Variants in GNAT3 observed in about 807,000 individuals in gnomAD.
GNAT3 encodes the protein G protein subunit alpha transducin 3.
A neutral mutation model predicts 37.7 loss-of-function variants in GNAT3; 31 were observed. The ratio of observed to expected loss-of-function variants is 0.82; its 90% CI spans 0.62 to 1.11. The LOEUF is 1.11. Ranked by LOEUF, GNAT3 falls within the 50% of genes most tolerant of loss-of-function variation. The pLI is 0.00. For synonymous variants in GNAT3, 138 were observed against 139.8 expected (o/e 0.99, Z 0.09); for missense variants, 437 against 412.5 (o/e 1.06, Z -0.51).
chr7:80,497,675 C>T lies in GNAT3; in HGVS notation c.119-3028G>A, dbSNP rs764027535. On this transcript the variant is annotated intron_variant, in intron 1 of 7. Transcript: ENST00000398291. ...GTATATACATATACGTATATACATA[C>T]ATATATACACACACACTGTCTTAAA... is the stretch of plus-strand genomic sequence containing the variant. Among the ~76,000 whole-genome samples, 54 of 75,034 alleles carry T rather than the reference C, an allele frequency of 7.2e-4. 4 individuals carry two copies. The highest frequency in any genetic ancestry group is 1.3e-3 in the African/African-American group (10 of 7,750). 49.2% of individuals were successfully genotyped at this position (75,034 alleles called of 152,430 possible). A position where few individuals can be genotyped will look rare whatever the true frequency, so the allele number is the denominator to read the frequency against.
intron 5 of GNAT3, among the ~76,000 whole-genome samples, chr7:80,463,729 C>T (rs932163202): frequency 2.0e-5 from 3 of 151,800 alleles, no homozygotes; most frequent in Admixed American, 6.6e-5. Flanking sequence ...CCATGCCCAA[C>T]ACATAACAGG....
chr7:80,488,801 A>G, intron 2 of GNAT3, 125 bp from the exon 3 acceptor site: 1 of 599,586 alleles, frequency 1.7e-6, no homozygotes, highest in East Asian at 2.8e-5. Flanking sequence ...TTGACCATAC[A>G]TATATGCTAA....
intron 1 of GNAT3, 61 bp downstream of exon 1, chr7:80,511,748 T>C: frequency 1.1e-6 from 1 of 937,192 alleles, no homozygotes. Flanking sequence ...CTGAGAAAAG[T>C]AAATATATCA....
At position 80,474,232 on chromosome 7, in the gene GNAT3, A is replaced by G; in HGVS notation, c.590+19T>C. The G allele has an allele frequency of 6.2e-7, 1 of 1,601,176 alleles. No homozygotes were observed. The highest frequency in any genetic ancestry group is 8.5e-7 in the Non-Finnish European group (1 of 1,172,792). ...GATGCATACTTCTGTCTACAGTTAGAAAAGATATTTGATCATACCTGAAGT... is the reference window on the plus strand; with the variant it reads ...GATGCATACTTCTGTCTACAGTTAGGAAAGATATTTGATCATACCTGAAGT... On this transcript the variant is annotated intron_variant, in intron 5 of 7. Transcript: ENST00000398291.
chr7:80,480,374 A>G (rs1286945759), intron 3 of GNAT3, among the ~76,000 whole-genome samples: 3 of 152,178 alleles, frequency 2.0e-5, no homozygotes, highest in African/African-American at 2.4e-5. Flanking sequence ...AGTAAATACA[A>G]TAAGTATCAG....
At chr7:80,510,597 C>G (rs1302285232) in intron 1 of GNAT3, among the ~76,000 whole-genome samples, 1 of 152,038 alleles carries the variant, frequency 6.6e-6, no homozygotes, top group Non-Finnish European at 1.5e-5. Context: ...CATATATTTC[C>G]TGGTGTCATT....
intron 1 of GNAT3, among the ~76,000 whole-genome samples, chr7:80,496,874 G>T (rs1171665585): frequency 3.3e-5 from 5 of 150,308 alleles, no homozygotes; most frequent in Non-Finnish European, 1.5e-5. Flanking sequence ...TTTGGTCATA[G>T]CCATATGTAA....
At position 80,474,353 on chromosome 7, in the gene GNAT3, G is replaced by A; in HGVS notation, c.488C>T (p.Thr163Ile). 1 of 1,549,992 alleles carries A rather than the reference G, an allele frequency of 6.5e-7. No homozygotes were observed. The highest frequency in any genetic ancestry group is 8.7e-7 in the Non-Finnish European group (1 of 1,143,218). ...AYYLNDLDRI[T>I]ASGYVPNEQD... is the part of the protein sequence containing the mutation. ...TTCATTTGGCACATACCCAGATGCT[G>A]TTATTCTATCTAAATCATTAAGGTA... Residue 163 changes from threonine to isoleucine, a missense_variant, in exon 5 of 8, where the codon ACA becomes ATA. Coordinates refer to ENST00000398291, the MANE Select transcript of GNAT3 (RefSeq NM_001102386.3).
chr7:80,482,608 C>G (rs1303360830), intron 3 of GNAT3, among the ~76,000 whole-genome samples: 2 of 151,470 alleles, frequency 1.3e-5, no homozygotes, highest in Non-Finnish European at 2.9e-5. Flanking sequence ...CCACCTCCCA[C>G]TTTCAAGCGA....
intron 1 of GNAT3, among the ~76,000 whole-genome samples, chr7:80,504,371 A>G (rs962153909): frequency 1.3e-5 from 2 of 152,212 alleles, no homozygotes; most frequent in Admixed American, 6.5e-5. Context: ...CATTATCTGC[A>G]CTCTGTGAGG....
Position 80,494,594 on chromosome 7 carries a change from T to G in GNAT3, c.161+11A>C. On this transcript the variant is annotated intron_variant, in intron 2 of 7. Coordinates refer to ENST00000398291, the MANE Select transcript of GNAT3 (RefSeq NM_001102386.3). ...TCAAATATTAAACACTTGAGACAGATGTATACCTACTTCATTTGTTTAACA... is the reference window on the plus strand; with the variant it reads ...TCAAATATTAAACACTTGAGACAGAGGTATACCTACTTCATTTGTTTAACA... The G allele has an allele frequency of 6.9e-7, 1 of 1,441,064 alleles. No individual in the cohort carries two copies. The highest frequency in any genetic ancestry group is 9.6e-7 in the Non-Finnish European group (1 of 1,039,950). The allele number at this position is 1,441,064 out of a possible 1,614,324, so 89.3% of individuals were successfully genotyped here.
Position 80,480,265 on chromosome 7 carries a change from A to G in GNAT3, c.304-1267T>C, listed in dbSNP as rs150703532. Among the ~76,000 whole-genome samples the G allele has an allele frequency of 5.5e-4, 83 of 152,268 alleles. 1 individual carries two copies. The Middle Eastern group carries it at 0.02, about 37-fold the overall frequency. On this transcript the variant is annotated intron_variant, in intron 3 of 7. Coordinates refer to ENST00000398291, the MANE Select transcript of GNAT3 (RefSeq NM_001102386.3). The stretch of plus-strand genomic sequence containing the variant: ...TACAATTTACAAAACTGCACATGCA[A>G]TATCACACATAATCCTCACAACCAT...
At chr7:80,502,731 T>C (rs947982474) in intron 1 of GNAT3, among the ~76,000 whole-genome samples, 1 of 151,856 alleles carries the variant, frequency 6.6e-6, no homozygotes, top group Non-Finnish European at 1.5e-5. Flanking sequence ...TAGGTTTGAA[T>C]ATCCTAAATT....
At chr7:80,502,459 TAAG>T (rs1228212211) in intron 1 of GNAT3, among the ~76,000 whole-genome samples, 12 of 150,344 alleles carry the variant, frequency 8.0e-5, no homozygotes, top group African/African-American at 3.0e-4. Flanking sequence ...GATATTTGTC[TAAG>T]TGTTCATTAA....
intron 5 of GNAT3, among the ~76,000 whole-genome samples, chr7:80,472,000 A>G (rs909334095): frequency 1.3e-5 from 2 of 152,140 alleles, no homozygotes; most frequent in Admixed American, 1.3e-4. Context: ...GCTAGCCACT[A>G]TAATAAGCAC....
Position 80,462,166 on chromosome 7 carries a change from T to C in GNAT3, c.867A>G (p.Glu289=). Residue 289 remains glutamate (E), a synonymous_variant, in exon 7 of 8, where the codon GAA becomes GAG. Coordinates refer to ENST00000398291, the MANE Select transcript of GNAT3 (RefSeq NM_001102386.3). ...AAAAGAAAAAAATCTTACCAGTGTA[T>C]TCTGGAAAGCAGATACTAAGATGCA... ...TKVHLSICFP[E]YTGPNTFEDA... The C allele has an allele frequency of 1.3e-6, 2 of 1,559,528 alleles. No individual in the cohort carries two copies.
intron 2 of GNAT3, among the ~76,000 whole-genome samples, chr7:80,493,632 C>A (rs9768995): frequency 9.4e-6 from 1 of 106,570 alleles, no homozygotes; most frequent in Non-Finnish European, 1.9e-5. Flanking sequence ...TCTTCCTCCT[C>A]CTCTTTCCTC....
In GNAT3 at chr7:80,473,525, TATTG is replaced by T. The variant is rs144865679; in HGVS notation, c.590+722_590+725del. The stretch of plus-strand genomic sequence containing the variant: ...AGAGTAATTTTATTAGTTATATTTT[TATTG>T]ATTTTTGTCATTACTAAACAATGCA... On this transcript the variant is annotated intron_variant, in intron 5 of 7. Transcript: ENST00000398291. Among the ~76,000 whole-genome samples, 224 of 152,288 alleles carry T rather than the reference TATTG, an allele frequency of 1.5e-3. 2 individuals are homozygous for T. The East Asian group carries it at 0.038, about 26-fold the overall frequency.
intron 1 of GNAT3, 126 bp downstream of exon 1, chr7:80,511,683 C>T (rs889235882): frequency 3.3e-5 from 19 of 582,116 alleles, no homozygotes; most frequent in African/African-American, 3.2e-4. Context: ...CCTTAAGTTT[C>T]CAAACACATT....
Sources: allele counts gnomAD v4.1 joint callset (sites outside exome capture counted in the v4.1 genomes callset), GRCh38; gene constraint gnomAD v4.1.1; transcripts MANE v1.5; gene names NCBI Gene and HGNC (gene_info 2026-07-23, HGNC 2026-07-21).